The following MICAL2 variants were observed in gnomAD, a reference collection of about 807,000 sequenced individuals.
The protein encoded by MICAL2 is [F-actin]-monooxygenase MICAL2.
MICAL2 carries 77 observed loss-of-function variants against 127.3 expected under a neutral mutation model. The ratio of observed to expected loss-of-function variants is 0.60; its 90% CI spans 0.50 to 0.73. The LOEUF (loss-of-function observed/expected upper bound fraction) is 0.73, where lower values mean the gene tolerates loss of function less well. MICAL2 is among the 30% of genes least tolerant of loss of function. The probability of loss-of-function intolerance (pLI) is 0.00; values close to 1 mark genes in which losing one functional copy is unlikely to be tolerated. For missense variants in MICAL2, 1,351 were observed against 1,434.4 expected (o/e 0.94, Z 0.94); for synonymous variants, 570 against 551.1 (o/e 1.03, Z -0.48).
At chr11:12,151,859 C>T (rs1853612625) in intron 2 of MICAL2, among the ~76,000 whole-genome samples, 1 of 152,304 alleles carries the variant, frequency 6.6e-6, no homozygotes, top group East Asian at 1.9e-4. Flanking sequence ...GCTAGCTCAT[C>T]TCCACAACAC....
intron 32 of MICAL2, among the ~76,000 whole-genome samples, chr11:12,334,391 A>G (rs1439355579): frequency 6.6e-6 from 1 of 152,132 alleles, no homozygotes; most frequent in African/African-American, 2.4e-5. Context: ...GAGTCTGTGT[A>G]TGTTCAGTAC....
chr11:12,119,757 G>A (rs1564982915), intron 1 of MICAL2, among the ~76,000 whole-genome samples: 1 of 152,186 alleles, frequency 6.6e-6, no homozygotes, highest in Non-Finnish European at 1.5e-5. Context: ...GAGGGAGGAG[G>A]CCACAGAGGC....
At chr11:12,352,475 T>C (rs1370081662) in intron 33 of MICAL2, among the ~76,000 whole-genome samples, 1 of 152,226 alleles carries the variant, frequency 6.6e-6, no homozygotes, top group Non-Finnish European at 1.5e-5. Flanking sequence ...CTGTGTCCCA[T>C]AACTGCAGCT....
exon 35 of MICAL2, chr11:12,358,336 G>T (rs368848960): frequency 1.2e-6 from 2 of 1,614,128 alleles, no homozygotes; most frequent in Non-Finnish European, 1.7e-6. Context: ...AGAGCAAGAA[G>T]TATTCACCGA....
In MICAL2 at chr11:12,204,450, C is replaced by T. The variant is rs746628783; in HGVS notation, c.465C>T (p.Asp155=). 6.2e-7 allele frequency: 1 copy of T among 1,614,002 alleles called. No homozygotes were observed. Among genetic ancestry groups the T allele is most frequent in the Non-Finnish European group, 8.5e-7 (1 of 1,179,948 alleles). The change falls in exon 4 of 28, where the codon GAC becomes GAT. Residue 155 remains aspartate (D), a synonymous_variant. Transcript: ENST00000683283. ...GGAAGTTCTGTGCTGGCTCCATCGA[C>T]CATATCAGTGAGTGGAGTCTATGGT... The part of the protein sequence containing the change: ...FYGKFCAGSI[D]HISIRQLQLI...
At chr11:12,175,161 G>A (rs188735439) in intron 3 of MICAL2, among the ~76,000 whole-genome samples, 2 of 151,860 alleles carry the variant, frequency 1.3e-5, no homozygotes, top group East Asian at 3.9e-4. Context: ...TACATGCCAG[G>A]TGCTAGGGAC....
chr11:12,170,682 C>G (rs192009239), intron 3 of MICAL2, among the ~76,000 whole-genome samples: 103 of 152,332 alleles, frequency 6.8e-4, no homozygotes, highest in African/African-American at 2.4e-3. Context: ...GACACCACCT[C>G]CTCCTGGGAG....
At chr11:12,185,675 A>G (rs1277162005) in intron 3 of MICAL2, among the ~76,000 whole-genome samples, 1 of 152,182 alleles carries the variant, frequency 6.6e-6, no homozygotes, top group Admixed American at 6.5e-5. Flanking sequence ...TTCTCTGTTC[A>G]GCCCTAGTTC....
At chr11:12,171,897 T>G (rs1036148397) in intron 3 of MICAL2, among the ~76,000 whole-genome samples, 1 of 152,230 alleles carries the variant, frequency 6.6e-6, no homozygotes, top group Non-Finnish European at 1.5e-5. Flanking sequence ...ACCTAATATA[T>G]CCACACTATT....
intron 30 of MICAL2, chr11:12,323,845 G>C (rs1864326688): frequency 9.9e-7 from 1 of 1,011,182 alleles, no homozygotes; most frequent in African/African-American, 1.6e-5. Context: ...AGTTCTACCA[G>C]ATGTCGTTAT....
chr11:12,224,716 G>A lies in MICAL2; in HGVS notation c.1584G>A (p.Gln528=). ...GCAAGCTCCTGACCTGGTGCCAGCA[G>A]CAGACAGAGGGCTACCAGCATGTCA... ...RPSKLLTWCQ[Q]QTEGYQHVNV... The change falls in exon 13 of 28, where the codon CAG becomes CAA. Residue 528 remains glutamine (Q), a synonymous_variant. Transcript: ENST00000683283. 1.2e-6 allele frequency: 2 copies of A among 1,614,218 alleles called. No homozygotes were observed. The highest frequency in any genetic ancestry group is 8.5e-7 in the Non-Finnish European group (1 of 1,180,024).
chr11:12,211,316 G>A (rs1590371224), intron 6 of MICAL2, among the ~76,000 whole-genome samples: 1 of 152,208 alleles, frequency 6.6e-6, no homozygotes, highest in South Asian at 2.1e-4. Context: ...AGGAGGTGGA[G>A]GTTGCAGTGA....
intron 29 of MICAL2, among the ~76,000 whole-genome samples, chr11:12,312,892 C>T (rs751113831): frequency 3.3e-5 from 5 of 152,016 alleles, no homozygotes; most frequent in Non-Finnish European, 2.9e-5. Flanking sequence ...GTCGGCCGGG[C>T]GCTGTGGCTC....
chr11:12,165,155 AG>A (rs66882339), intron 3 of MICAL2, among the ~76,000 whole-genome samples: 9 of 105,272 alleles, frequency 8.5e-5, no homozygotes, highest in African/African-American at 1.9e-4. Context: ...AAAAAAAAAA[AG>A]AAAAGAAAGA....
chr11:12,185,988 G>A (rs758328432), intron 3 of MICAL2, among the ~76,000 whole-genome samples: 4 of 152,252 alleles, frequency 2.6e-5, no homozygotes, highest in Non-Finnish European at 4.4e-5. Flanking sequence ...GAACTAGAGG[G>A]TTGGCCCAGT....
At chr11:12,219,716 T>G (rs1365722217) in intron 8 of MICAL2, among the ~76,000 whole-genome samples, 1 of 152,192 alleles carries the variant, frequency 6.6e-6, no homozygotes, top group Non-Finnish European at 1.5e-5. Context: ...TCACACTTTC[T>G]GATGGCTCCT....
intron 29 of MICAL2, among the ~76,000 whole-genome samples, chr11:12,316,618 C>G (rs61875393): frequency 0.052 from 7,930 of 151,900 alleles, 274 homozygotes; most frequent in Non-Finnish European, 0.081. Context: ...TCCCTCATAT[C>G]TGTCATTTCT....
intron 16 of MICAL2, 88 bp downstream of exon 16, chr11:12,236,333 C>G: frequency 8.5e-7 from 1 of 1,170,830 alleles, no homozygotes; most frequent in Non-Finnish European, 1.3e-6. Flanking sequence ...GCAGCCTGGC[C>G]CTGTTCCTTC....
At position 12,242,694 on chromosome 11, in the gene MICAL2, C is replaced by G; in HGVS notation, c.2580C>G (p.Asn860Lys). Residue 860 changes from asparagine (N) to lysine (K), a missense_variant, in exon 20 of 28, where the codon AAC becomes AAG. Physicochemically the swap from Asn to Lys is moderately conservative, Grantham distance 94 (BLOSUM62 0). Coordinates refer to ENST00000683283, the MANE Select transcript of MICAL2 (RefSeq NM_001282663.2). ...ILQKRAQNLA[N>K]REFHTKNIKE... Reference sequence around the variant, plus strand: ...AGAAGAGGGCTCAGAACTTGGCCAACAGGGAATTTCACACAAAGAACATTA... The same window carrying G: ...AGAAGAGGGCTCAGAACTTGGCCAAGAGGGAATTTCACACAAAGAACATTA... 1 of 1,612,904 alleles carries G rather than the reference C, an allele frequency of 6.2e-7. No homozygotes were observed. Among genetic ancestry groups the G allele is most frequent in the East Asian group, 2.2e-5 (1 of 44,788 alleles).
Sources: gnomAD v4.1 joint callset for allele counts (sites outside exome capture counted in the v4.1 genomes callset) on GRCh38, gnomAD v4.1.1 for gene constraint, MANE v1.5 for transcripts, NCBI Gene and HGNC (gene_info 2026-07-23, HGNC 2026-07-21) for gene names.